Variants in AFDN observed in about 807,000 individuals in gnomAD.
AFDN encodes the protein afadin, adherens junction formation factor, also known as afadin.
A neutral mutation model predicts 216.6 loss-of-function variants in AFDN; 68 were observed. The observed-to-expected ratio is 0.31, with a 90% CI of 0.26 to 0.38. The LOEUF (loss-of-function observed/expected upper bound fraction) is 0.38. Ranked by LOEUF, AFDN falls within the 10% of genes least tolerant of loss-of-function variation. The pLI, the probability that AFDN is intolerant of heterozygous loss-of-function variation, is 1.00. For missense variants in AFDN, 2,136 were observed against 2,342.0 expected (o/e 0.91, Z 1.82); for synonymous variants, 868 against 853.7 (o/e 1.02, Z -0.29).
chr6:167,945,464 A>AAT (rs1795156267), intron 26 of AFDN, among the ~76,000 whole-genome samples: 1 of 152,204 alleles, frequency 6.6e-6, no homozygotes, highest in African/African-American at 2.4e-5. Context: ...AGTATAGTAA[A>AAT]ATATATAAAC....
chr6:167,905,984 A>G (rs1214164124), intron 12 of AFDN, among the ~76,000 whole-genome samples: 1 of 152,150 alleles, frequency 6.6e-6, no homozygotes, highest in Non-Finnish European at 1.5e-5. Context: ...GGGCGCCTGT[A>G]GCCCCCTACT....
chr6:167,877,170 T>A (rs1562594765), intron 5 of AFDN, among the ~76,000 whole-genome samples: 3 of 152,208 alleles, frequency 2.0e-5, no homozygotes. Flanking sequence ...GACTGGATTT[T>A]ACTGAGGAGG....
At position 167,836,631 on chromosome 6, in the gene AFDN, C is replaced by T. The variant is rs375089415; in HGVS notation, c.105+9394C>T. Among the ~76,000 whole-genome samples, 596 of 152,232 alleles carry T rather than the reference C, an allele frequency of 3.9e-3. 4 individuals are homozygous for T. The highest frequency in any genetic ancestry group is 0.014 in the African/African-American group (574 of 41,542). On this transcript the variant is annotated intron_variant, in intron 1 of 33. Transcript: ENST00000683244. ...TTAGTTTTATTTCTACGTAGTGGCA[C>T]CTTGTTTTGCACAAAATATATTGTG...
intron 1 of AFDN, among the ~76,000 whole-genome samples, chr6:167,858,735 C>T (rs546849749): frequency 2.0e-4 from 30 of 152,284 alleles, no homozygotes; most frequent in African/African-American, 7.2e-4. Flanking sequence ...ATTGTGTTTG[C>T]TAAGTTGCTC....
intron 1 of AFDN, among the ~76,000 whole-genome samples, chr6:167,832,993 G>A (rs1191583637): frequency 6.6e-6 from 1 of 152,184 alleles, no homozygotes; most frequent in Non-Finnish European, 1.5e-5. Context: ...ATAAACTGGA[G>A]TTGTCTCCTT....
chr6:167,893,161 C>T (rs1244939691), intron 8 of AFDN, among the ~76,000 whole-genome samples: 1 of 152,144 alleles, frequency 6.6e-6, no homozygotes, highest in African/African-American at 2.4e-5. Context: ...TAAGGGTGAC[C>T]TAAGGGTTGG....
intron 30 of AFDN, 134 bp downstream of exon 30, chr6:167,952,321 T>G: frequency 1.3e-6 from 2 of 1,525,516 alleles, no homozygotes; most frequent in South Asian, 2.7e-5. Context: ...TGTTTTATTG[T>G]ATGTGTTACT....
chr6:167,889,066 G>T, intron 6 of AFDN, 149 bp from the exon 7 acceptor site: 1 of 562,540 alleles, frequency 1.8e-6, no homozygotes, highest in Non-Finnish European at 3.1e-6. Flanking sequence ...TTTTATTGAT[G>T]ATTATTTTGA....
chr6:167,855,573 C>G (rs1037410242), intron 1 of AFDN, among the ~76,000 whole-genome samples: 1 of 151,988 alleles, frequency 6.6e-6, no homozygotes, highest in African/African-American at 2.4e-5. Flanking sequence ...AGGATTCCCC[C>G]CTTAGCTAGC....
At chr6:167,864,286 A>G (rs1002289533) in intron 1 of AFDN, 4 of 666,278 alleles carry the variant, frequency 6.0e-6, no homozygotes, top group African/African-American at 1.8e-5. Context: ...AAGGACCAAT[A>G]GATGTTAGCT....
At chr6:167,964,356 C>A in intron 31 of AFDN, 1 of 1,064,304 alleles carries the variant, frequency 9.4e-7, no homozygotes, top group Non-Finnish European at 1.1e-6. Context: ...TGTTACCAAG[C>A]AACTGTTCTT....
At position 167,944,054 on chromosome 6, in the gene AFDN, A is replaced by G; in HGVS notation, c.3353A>G (p.Gln1118Arg). The change falls in exon 26 of 34, where the codon CAG becomes CGG. Residue 1118 changes from glutamine to arginine, a missense_variant. Gln to Arg is a conservative substitution (Grantham distance 43). Coordinates refer to ENST00000683244, the MANE Select transcript of AFDN (RefSeq NM_001386888.1). ...TLLNQPSPMM[Q>R]RISDRRGSGK... The stretch of plus-strand genomic sequence containing the variant: ...CTCAATCAGCCATCCCCCATGATGC[A>G]GAGAAGTAAGGACCAGTAGGGAAAC... 5.0e-6 allele frequency: 8 copies of G among 1,612,544 alleles called. No individual in the cohort carries two copies. Among genetic ancestry groups the G allele is most frequent in the Non-Finnish European group, 6.8e-6 (8 of 1,178,534 alleles).
intron 5 of AFDN, among the ~76,000 whole-genome samples, chr6:167,876,786 A>G (rs901232009): frequency 1.3e-5 from 2 of 151,458 alleles, no homozygotes; most frequent in Non-Finnish European, 2.9e-5. Flanking sequence ...TTTTTTTACG[A>G]TAAAATAGGA....
At chr6:167,938,056 A>G (rs904979103) in intron 23 of AFDN, among the ~76,000 whole-genome samples, 2 of 152,234 alleles carry the variant, frequency 1.3e-5, no homozygotes, top group African/African-American at 4.8e-5. Flanking sequence ...AATGCAGGAC[A>G]CAGTGACTCA....
In AFDN at chr6:167,898,281, G is replaced by C; in HGVS notation, c.1394G>C (p.Ser465Thr). ...GGAGTGGTCACTGTGACGCCCAGAA[G>C]TATGGACGCAGAAACCTACGTGGAA... is the stretch of plus-strand genomic sequence containing the variant. ...MDGVVTVTPR[S>T]MDAETYVEGQ... Residue 465 changes from serine to threonine, a missense_variant, in exon 11 of 34, where the codon AGT (serine) becomes ACT (threonine). Physicochemically the swap from Ser to Thr is moderately conservative, Grantham distance 58. Around this residue, in one of 8 missense-constraint regions of AFDN, gnomAD observed 817 missense variants for 965.7 expected, o/e 0.85. Transcript: ENST00000683244. 4 of 1,614,148 alleles carry C rather than the reference G, an allele frequency of 2.5e-6. No homozygotes were observed. Among genetic ancestry groups the C allele is most frequent in the Non-Finnish European group, 3.4e-6 (4 of 1,180,028 alleles).
chr6:167,848,596 A>G (rs1781957508), intron 1 of AFDN, among the ~76,000 whole-genome samples: 2 of 152,184 alleles, frequency 1.3e-5, no homozygotes, highest in African/African-American at 2.4e-5. Flanking sequence ...TTTAGGATGA[A>G]TACCTAGAAG....
rs575105426 is a variant in AFDN at position 167,880,024 on chromosome 6, A to G, written c.740-336A>G. Among the ~76,000 whole-genome samples, 10 of 152,330 alleles carry G rather than the reference A, an allele frequency of 6.6e-5. No individual in the cohort carries two copies. In the South Asian group the frequency reaches 1.0e-3, roughly 16 times the overall value. ...AAGCAATTGAATAAAGAGCAGCACC[A>G]TAGAGAAATTCTGGAGTTCCTTCCT... On this transcript the variant is annotated intron_variant, in intron 5 of 33. Coordinates refer to ENST00000683244, the MANE Select transcript of AFDN (RefSeq NM_001386888.1).
chr6:167,898,277 A>G lies in AFDN; in HGVS notation c.1390A>G (p.Arg464Gly). ...NMDGVVTVTP[R>G]SMDAETYVEG... ...GGATGGAGTGGTCACTGTGACGCCCAGAAGTATGGACGCAGAAACCTACGT... is the reference window on the plus strand; with the variant it reads ...GGATGGAGTGGTCACTGTGACGCCCGGAAGTATGGACGCAGAAACCTACGT... The change falls in exon 11 of 34, where the codon AGA becomes GGA. Residue 464 changes from arginine to glycine, a missense_variant. Physicochemically the swap from Arg to Gly is moderately radical, Grantham distance 125 (BLOSUM62 -2). Coordinates refer to ENST00000683244, the MANE Select transcript of AFDN (RefSeq NM_001386888.1). The G allele has an allele frequency of 6.2e-7, 1 of 1,614,128 alleles. No homozygotes were observed. The highest frequency in any genetic ancestry group is 8.5e-7 in the Non-Finnish European group (1 of 1,180,018).
rs955961440 is a variant in AFDN at position 167,951,418 on chromosome 6, C to T, written c.4064C>T (p.Ala1355Val). 4 of 1,614,004 alleles carry T rather than the reference C, an allele frequency of 2.5e-6. No individual in the cohort carries two copies. The highest frequency in any genetic ancestry group is 1.6e-4 in the Middle Eastern group (1 of 6,084). ...SGPGRWKTPA[A>V]IPATPVAVSQ... is the part of the protein sequence containing the mutation. ...CCTGGCCGTTGGAAAACACCAGCAGCCATACCGGCCACCCCTGTGGCCGTC... is the reference window on the plus strand; with the variant it reads ...CCTGGCCGTTGGAAAACACCAGCAGTCATACCGGCCACCCCTGTGGCCGTC... Residue 1355 changes from alanine to valine, a missense_variant, in exon 30 of 34, where the codon GCC becomes GTC. Around this residue, in one of 8 missense-constraint regions of AFDN, gnomAD observed 981 missense variants for 966.0 expected, o/e 1.02. Transcript: ENST00000683244. This position sits in a 1 kb window ranked among gnomAD's most constrained non-coding sequence, Gnocchi z 7.1.
Sources: gnomAD v4.1 joint callset for allele counts (sites outside exome capture counted in the v4.1 genomes callset) on GRCh38, gnomAD v4.1.1 for gene constraint, gnomAD v4.1.1 regional missense constraint, Gnocchi (gnomAD v3.1) non-coding constraint, MANE v1.5 for transcripts, NCBI Gene and HGNC (gene_info 2026-07-23, HGNC 2026-07-21) for gene names.